Variants in ADAMTS6 observed in about 807,000 individuals in gnomAD.
The protein encoded by ADAMTS6 is ADAM metallopeptidase with thrombospondin type 1 motif 6, also known as A disintegrin and metalloproteinase with thrombospondin motifs 6.
ADAMTS6 carries 23 observed loss-of-function variants against 144.3 expected under a neutral mutation model. The observed-to-expected ratio is 0.16, with a 90% CI of 0.11 to 0.23. ADAMTS6 has a LOEUF of 0.23. Among genes scored for constraint, ADAMTS6 ranks in the 10% least tolerant of loss-of-function variants. The pLI is 1.00. For missense variants in ADAMTS6, 999 were observed against 1,379.6 expected, an observed-to-expected ratio of 0.72 and a Z score of 4.37; for synonymous variants, 444 against 457.5, an observed-to-expected ratio of 0.97 and a Z score of 0.38.
At chr5:65,404,496 T>C (rs556922029) in intron 7 of ADAMTS6, among the ~76,000 whole-genome samples, 21 of 152,324 alleles carry the variant, frequency 1.4e-4, no homozygotes, top group African/African-American at 5.1e-4. Flanking sequence ...TATGGCTGCA[T>C]AATATTCCAT....
intron 7 of ADAMTS6, among the ~76,000 whole-genome samples, chr5:65,408,841 A>T (rs1296895945): frequency 6.6e-6 from 1 of 152,210 alleles, no homozygotes; most frequent in Non-Finnish European, 1.5e-5. Context: ...CAGGATTAAG[A>T]AACTCACTCC....
At chr5:65,378,617 C>A (rs1048160410) in intron 7 of ADAMTS6, among the ~76,000 whole-genome samples, 1 of 152,130 alleles carries the variant, frequency 6.6e-6, no homozygotes, top group African/African-American at 2.4e-5. Flanking sequence ...GGATTTTCAT[C>A]CCCCTAAAGA....
At chr5:65,339,620 A>G (rs981772854) in intron 7 of ADAMTS6, among the ~76,000 whole-genome samples, 6 of 152,020 alleles carry the variant, frequency 3.9e-5, no homozygotes, top group Non-Finnish European at 8.8e-5. Flanking sequence ...CAGAACAATT[A>G]ACGATTTGAA....
At chr5:65,397,579 G>T (rs983619729) in intron 7 of ADAMTS6, among the ~76,000 whole-genome samples, 2 of 151,896 alleles carry the variant, frequency 1.3e-5, no homozygotes, top group Non-Finnish European at 2.9e-5. Context: ...GTGTTATTTA[G>T]AAGTATGTTG....
At chr5:65,450,952 G>C (rs1473256388) in intron 7 of ADAMTS6, among the ~76,000 whole-genome samples, 1 of 152,126 alleles carries the variant, frequency 6.6e-6, no homozygotes, top group Non-Finnish European at 1.5e-5. Context: ...TCAACACATA[G>C]TGTAATCAAT....
At chr5:65,296,211 C>T (rs1742824815) in intron 10 of ADAMTS6, among the ~76,000 whole-genome samples, 1 of 152,088 alleles carries the variant, frequency 6.6e-6, no homozygotes, top group Admixed American at 6.5e-5. Context: ...TTTTATTCCA[C>T]TAAGTTGGGC....
At chr5:65,215,637 G>T in intron 18 of ADAMTS6, 150 bp from the exon 19 acceptor site, 1 of 657,052 alleles carries the variant, frequency 1.5e-6, no homozygotes, top group Non-Finnish European at 2.4e-6. Context: ...AATTAAAATG[G>T]TATTTTTCAT....
chr5:65,435,682 G>C (rs979114710), intron 7 of ADAMTS6, among the ~76,000 whole-genome samples: 2 of 151,562 alleles, frequency 1.3e-5, no homozygotes, highest in Non-Finnish European at 2.9e-5. Context: ...CTGGAGTACA[G>C]TGGCGCGATA....
chr5:65,419,012 C>T lies in ADAMTS6; in HGVS notation c.1073+32463G>A, dbSNP rs185409194. Reference sequence around the variant, plus strand: ...GGAGATTTTTCAAAGAACTTGAAACCGAATTACCATTTGACCCAGCAATCC... The same window carrying T: ...GGAGATTTTTCAAAGAACTTGAAACTGAATTACCATTTGACCCAGCAATCC... On this transcript the variant is annotated intron_variant, in intron 7 of 24. Coordinates refer to ENST00000381055, the MANE Select transcript of ADAMTS6 (RefSeq NM_197941.4). 1.2e-4 allele frequency among the ~76,000 whole-genome samples: 19 copies of T among 152,134 alleles called. No homozygotes were observed. In the East Asian group the frequency reaches 2.9e-3, roughly 23 times the overall value.
intron 9 of ADAMTS6, among the ~76,000 whole-genome samples, chr5:65,322,471 T>C (rs1180661671): frequency 6.6e-6 from 1 of 152,158 alleles, no homozygotes; most frequent in Non-Finnish European, 1.5e-5. Flanking sequence ...AGCATGGTCA[T>C]TTTCTTGTTA....
chr5:65,378,430 A>G (rs1210749688), intron 7 of ADAMTS6, among the ~76,000 whole-genome samples: 1 of 152,026 alleles, frequency 6.6e-6, no homozygotes, highest in Non-Finnish European at 1.5e-5. Context: ...TTTGTTCTCA[A>G]AAGTCTCCGA....
intron 7 of ADAMTS6, among the ~76,000 whole-genome samples, chr5:65,396,018 G>C (rs1386487041): frequency 2.0e-5 from 3 of 152,060 alleles, no homozygotes; most frequent in African/African-American, 7.2e-5. Flanking sequence ...CAATACACTT[G>C]CTTAATCACT....
At chr5:65,233,532 C>T (rs1032403332) in intron 15 of ADAMTS6, among the ~76,000 whole-genome samples, 5 of 151,960 alleles carry the variant, frequency 3.3e-5, no homozygotes, top group African/African-American at 1.2e-4. Context: ...CATTTCTATA[C>T]ACTAACAATT....
At chr5:65,358,203 T>G (rs1749516254) in intron 7 of ADAMTS6, among the ~76,000 whole-genome samples, 1 of 151,912 alleles carries the variant, frequency 6.6e-6, no homozygotes, top group Non-Finnish European at 1.5e-5. Context: ...ATTAACAGAA[T>G]AAGGAACTAA....
At position 65,151,136 on chromosome 5, in the gene ADAMTS6, T is replaced by A. The variant is rs1752121534; in HGVS notation, c.*700A>T. ...AGTTTATAGACTTGCACAGCTGCAGTAACTGATGCACTGCTTTAAACTATG... is the reference window on the plus strand; with the variant it reads ...AGTTTATAGACTTGCACAGCTGCAGAAACTGATGCACTGCTTTAAACTATG... On this transcript the variant is annotated 3_prime_UTR_variant, in exon 25 of 25. Coordinates refer to ENST00000381055, the MANE Select transcript of ADAMTS6 (RefSeq NM_197941.4). 6.5e-6 allele frequency: 1 copy of A among 152,680 alleles called. No individual in the cohort carries two copies. Among genetic ancestry groups the A allele is most frequent in the Admixed American group, 6.5e-5 (1 of 15,288 alleles). 9.5% of individuals were successfully genotyped at this position (152,680 alleles called of 1,614,324 possible).
intron 22 of ADAMTS6, among the ~76,000 whole-genome samples, chr5:65,185,420 T>C (rs1754615574): frequency 6.6e-6 from 1 of 152,138 alleles, no homozygotes; most frequent in Non-Finnish European, 1.5e-5. Context: ...ACTAGAAATT[T>C]TGAGACAGTA....
chr5:65,333,997 TAA>T (rs750637450), intron 8 of ADAMTS6, 43 bp downstream of exon 8: 58,650 of 812,078 alleles, frequency 0.072, 47 homozygotes, highest in African/African-American at 0.11. Context: ...CTACCTTTAT[TAA>T]AAAAAAAAAA....
intron 18 of ADAMTS6, among the ~76,000 whole-genome samples, chr5:65,222,219 G>T (rs78587829): frequency 0.046 from 7,015 of 152,146 alleles, 210 homozygotes; most frequent in Middle Eastern, 0.078. Flanking sequence ...TTCAAGACCC[G>T]CTGGGAAGCT....
chr5:65,253,292 C>A (rs1273665227), intron 14 of ADAMTS6, among the ~76,000 whole-genome samples: 1 of 152,206 alleles, frequency 6.6e-6, no homozygotes, highest in African/African-American at 2.4e-5. Context: ...CTCTCGTTCT[C>A]CAGCTTGTTT....
Sources: gnomAD v4.1 joint callset for allele counts (sites outside exome capture counted in the v4.1 genomes callset) on GRCh38, gnomAD v4.1.1 for gene constraint, MANE v1.5 for transcripts, NCBI Gene and HGNC (gene_info 2026-07-23, HGNC 2026-07-21) for gene names.